The following ZCCHC17 variants were observed in gnomAD, a reference collection of about 807,000 sequenced individuals.
ZCCHC17 encodes the protein zinc finger CCHC domain-containing protein 17.
ZCCHC17 carries 18 observed loss-of-function variants against 30.6 expected under a neutral mutation model. The ratio of observed to expected loss-of-function variants is 0.59; its 90% confidence interval spans 0.41 to 0.87. The LOEUF (loss-of-function observed/expected upper bound fraction) is 0.87, where lower values mean the gene tolerates loss of function less well. Among genes scored for constraint, ZCCHC17 ranks in the 40% least tolerant of loss-of-function variants. The pLI, the probability that ZCCHC17 is intolerant of heterozygous loss-of-function variation, is 0.00. For synonymous variants in ZCCHC17, 88 were observed against 92.4 expected (o/e 0.95, Z 0.27); for missense variants, 263 against 284.2 (o/e 0.93, Z 0.54).
intron 7 of ZCCHC17, among the ~76,000 whole-genome samples, chr1:31,349,440 C>T (rs868108356): frequency 6.6e-6 from 1 of 152,140 alleles, no homozygotes; most frequent in South Asian, 2.1e-4. Flanking sequence ...AAGCGATTCT[C>T]ATGCCTCAGC....
chr1:31,301,699 A>G (rs1481083868), intron 1 of ZCCHC17, among the ~76,000 whole-genome samples: 1 of 152,136 alleles, frequency 6.6e-6, no homozygotes, highest in Non-Finnish European at 1.5e-5. Context: ...ACTTGGCTTC[A>G]TTTTCAGTGG....
chr1:31,315,286 C>T (rs1646705998), intron 2 of ZCCHC17, among the ~76,000 whole-genome samples: 1 of 152,170 alleles, frequency 6.6e-6, no homozygotes, highest in African/African-American at 2.4e-5. Context: ...GAGCCCAAGC[C>T]TCACAGGACT....
chr1:31,349,099 T>C (rs1639378844), intron 7 of ZCCHC17, 125 bp downstream of exon 7: 13 of 1,172,878 alleles, frequency 1.1e-5, no homozygotes, highest in Admixed American at 6.3e-5. Context: ...GTGGGAGGAT[T>C]GCTCGAGGCC....
intron 3 of ZCCHC17, among the ~76,000 whole-genome samples, chr1:31,327,561 T>C (rs1638405857): frequency 6.6e-6 from 1 of 152,360 alleles, no homozygotes; most frequent in Admixed American, 6.5e-5. Flanking sequence ...TCTTGTGCTG[T>C]CTTGCCACAT....
At chr1:31,361,177 G>A (rs1639875845) in intron 7 of ZCCHC17, among the ~76,000 whole-genome samples, 1 of 152,160 alleles carries the variant, frequency 6.6e-6, no homozygotes, top group South Asian at 2.1e-4. Flanking sequence ...CCCAGCCATG[G>A]TTGTTATAGC....
intron 7 of ZCCHC17, among the ~76,000 whole-genome samples, chr1:31,358,593 G>T (rs1321813417): frequency 6.6e-6 from 1 of 152,078 alleles, no homozygotes; most frequent in African/African-American, 2.4e-5. Context: ...GTAACTGGAA[G>T]ATTTGAGTTA....
chr1:31,334,797 AT>A (rs1638749000), intron 3 of ZCCHC17, among the ~76,000 whole-genome samples: 1 of 152,226 alleles, frequency 6.6e-6, no homozygotes, highest in Non-Finnish European at 1.5e-5. Flanking sequence ...TGAATGGACC[AT>A]CAAGCGACTA....
At chr1:31,347,648 G>C (rs937131711) in intron 6 of ZCCHC17, among the ~76,000 whole-genome samples, 1 of 152,044 alleles carries the variant, frequency 6.6e-6, no homozygotes, top group Non-Finnish European at 1.5e-5. Flanking sequence ...TTTAAGGTAG[G>C]GTCACCCAGG....
chr1:31,343,304 C>T (rs1480595667), intron 5 of ZCCHC17, among the ~76,000 whole-genome samples: 4 of 152,310 alleles, frequency 2.6e-5, no homozygotes, highest in African/African-American at 7.2e-5. Flanking sequence ...AAGTAATCCG[C>T]CTGCCTTGGC....
intron 1 of ZCCHC17, among the ~76,000 whole-genome samples, chr1:31,302,330 C>T (rs1031447311): frequency 1.3e-5 from 2 of 152,086 alleles, no homozygotes; most frequent in African/African-American, 4.8e-5. Flanking sequence ...GAATGTGTTC[C>T]CCCCTCTTTC....
chr1:31,304,294 A>T (rs185388619), intron 1 of ZCCHC17, among the ~76,000 whole-genome samples: 4 of 148,656 alleles, frequency 2.7e-5, no homozygotes, highest in East Asian at 3.9e-4. Flanking sequence ...TCTTTCTGAG[A>T]CAGAGTCTCT....
intron 6 of ZCCHC17, 28 bp downstream of exon 6, chr1:31,346,768 G>A (rs775745084): frequency 9.9e-6 from 16 of 1,613,574 alleles, no homozygotes; most frequent in South Asian, 5.5e-5. Context: ...CCCTTTCCAC[G>A]TTTCTCTCCT....
chr1:31,363,926 G>A lies in ZCCHC17; in HGVS notation c.565-106G>A, dbSNP rs1427263913. On this transcript the variant is annotated intron_variant, in intron 7 of 7. Transcript: ENST00000344147. Reference sequence around the variant, plus strand: ...ATTCCTCCCACCTCGGCTTCCCAAAGTACTAGGATTACAGGTGTGAGCCAC... The same window carrying A: ...ATTCCTCCCACCTCGGCTTCCCAAAATACTAGGATTACAGGTGTGAGCCAC... The A allele has an allele frequency of 1.2e-5, 17 of 1,474,644 alleles. No individual in the cohort carries two copies. The African/African-American group carries it at 1.6e-4, about 13-fold the overall frequency. The allele number at this position is 1,474,644 out of a possible 1,614,324, so 91.3% of individuals were successfully genotyped here. A position where few individuals can be genotyped will look rare whatever the true frequency, so the allele number is the denominator to read the frequency against.
intron 1 of ZCCHC17, among the ~76,000 whole-genome samples, chr1:31,304,936 T>A (rs1371024035): frequency 5.3e-5 from 8 of 152,150 alleles, no homozygotes; most frequent in Non-Finnish European, 1.2e-4. Flanking sequence ...TTTTTCCAAG[T>A]GAAATCTTAC....
At chr1:31,319,534 G>A (rs559891568) in intron 3 of ZCCHC17, among the ~76,000 whole-genome samples, 14 of 152,166 alleles carry the variant, frequency 9.2e-5, no homozygotes, top group Non-Finnish European at 1.8e-4. Flanking sequence ...GCATGAAATG[G>A]GAATAGTATT....
At position 31,333,545 on chromosome 1, in the gene ZCCHC17, ATATGTGTGTGTG is replaced by A. The variant is rs1369196642; in HGVS notation, c.125-3618_125-3607del. Among the ~76,000 whole-genome samples, 9 of 152,058 alleles carry A rather than the reference ATATGTGTGTGTG, an allele frequency of 5.9e-5. No individual in the cohort carries two copies. The East Asian group carries it at 1.5e-3, about 26-fold the overall frequency. On this transcript the variant is annotated intron_variant, in intron 3 of 7. Coordinates refer to ENST00000344147, the MANE Select transcript of ZCCHC17 (RefSeq NM_016505.4). ...CTCAAAAAAATAAAAAATAAAATAC[ATATGTGTGTGTG>A]TATGTGTGTGTATATATATAGTTTA...
chr1:31,319,298 A>C (rs1267595539), intron 3 of ZCCHC17, 132 bp downstream of exon 3: 3 of 687,866 alleles, frequency 4.4e-6, no homozygotes, highest in Non-Finnish European at 4.8e-6. Context: ...TAATGTATAG[A>C]TATGAATACA....
intron 7 of ZCCHC17, among the ~76,000 whole-genome samples, chr1:31,360,749 ACT>A (rs1639853977): frequency 6.6e-6 from 1 of 151,934 alleles, no homozygotes; most frequent in Non-Finnish European, 1.5e-5. Context: ...ATAGTGCCAA[ACT>A]CTGTGTTATA....
chr1:31,306,450 G>A (rs1646459840), intron 1 of ZCCHC17, among the ~76,000 whole-genome samples: 1 of 152,212 alleles, frequency 6.6e-6, no homozygotes, highest in South Asian at 2.1e-4. Context: ...CAAAGGGGAT[G>A]ATTCATATCC....
Sources: allele counts gnomAD v4.1 joint callset (sites outside exome capture counted in the v4.1 genomes callset), GRCh38; gene constraint gnomAD v4.1.1; transcripts MANE v1.5; gene names NCBI Gene and HGNC (gene_info 2026-07-23, HGNC 2026-07-21).